CACNA1A: variants seen among roughly 807,000 people sequenced by gnomAD.
CACNA1A encodes the protein voltage-dependent P/Q-type calcium channel subunit alpha-1A.
A neutral mutation model predicts 262.4 loss-of-function variants in CACNA1A; 57 were observed. That is an observed-to-expected ratio of 0.22 (90% CI 0.18 to 0.27). CACNA1A has a LOEUF of 0.27. Ranked by LOEUF, CACNA1A falls within the 10% of genes least tolerant of loss-of-function variation. The pLI, the probability that CACNA1A is intolerant of heterozygous loss-of-function variation, is 1.00. For missense variants in CACNA1A, 2,526 were observed against 3,562.8 expected (o/e 0.71, Z 7.41); for synonymous variants, 1,431 against 1,419.3 (o/e 1.01, Z -0.18).
chr19:13,277,183 C>T (rs528415352), intron 22 of CACNA1A, 55 bp from the exon 23 acceptor site: 3 of 1,258,886 alleles, frequency 2.4e-6, no homozygotes, highest in Non-Finnish European at 3.5e-6. Flanking sequence ...CCAGCAGAGC[C>T]CCGGTAAAAC....
chr19:13,273,021 G>C (rs1399629475), intron 24 of CACNA1A: 4 of 152,186 alleles, frequency 2.6e-5, no homozygotes, highest in Non-Finnish European at 4.4e-5. Flanking sequence ...CTGGAGTGCA[G>C]TGGCATGATC....
chr19:13,276,724 G>A (rs1425745671), intron 23 of CACNA1A, among the ~76,000 whole-genome samples: 1 of 134,020 alleles, frequency 7.5e-6, no homozygotes, highest in Non-Finnish European at 1.6e-5. Context: ...TTTTGACAGA[G>A]TCTCGCTGTG....
intron 19 of CACNA1A, among the ~76,000 whole-genome samples, chr19:13,294,122 T>C (rs529896594): frequency 3.9e-4 from 59 of 151,944 alleles, no homozygotes; most frequent in African/African-American, 1.4e-3. Context: ...TTCTTTTTTT[T>C]TTAGACATGA....
At chr19:13,421,815 A>T (rs2060320962) in intron 3 of CACNA1A, among the ~76,000 whole-genome samples, 1 of 152,184 alleles carries the variant, frequency 6.6e-6, no homozygotes, top group South Asian at 2.1e-4. Context: ...ATTTTATTAT[A>T]GCCACCTGAG....
At chr19:13,474,337 C>T (rs1490361398) in intron 1 of CACNA1A, among the ~76,000 whole-genome samples, 5 of 152,168 alleles carry the variant, frequency 3.3e-5, no homozygotes, top group South Asian at 2.1e-4. Flanking sequence ...AAGCTTGAGG[C>T]GCTTCAGAGC....
At position 13,312,874 on chromosome 19, in the gene CACNA1A, A is replaced by T. The variant is rs10407951; in HGVS notation, c.1556-93T>A. On this transcript the variant is annotated intron_variant, in intron 11 of 46. Coordinates refer to ENST00000360228, the MANE Select transcript of CACNA1A (RefSeq NM_001127222.2). ...TGACTTTCCTTTTATTATCATTTTT[A>T]AACTTTTTATTTTTTGTAGAGATGA... 0.26 allele frequency: 156,853 copies of T among 606,208 alleles called. 22,221 individuals carry two copies. The highest frequency in any genetic ancestry group is 0.45 in the East Asian group (13,704 of 30,192). The allele number at this position is 606,208 out of a possible 1,614,324, so 37.6% of individuals were successfully genotyped here. A position where few individuals can be genotyped will look rare whatever the true frequency, so the allele number is the denominator to read the frequency against.
chr19:13,242,482 G>C (rs1431550964), intron 31 of CACNA1A, among the ~76,000 whole-genome samples: 1 of 152,048 alleles, frequency 6.6e-6, no homozygotes, highest in Non-Finnish European at 1.5e-5. Flanking sequence ...TTTTAGTAGG[G>C]ACAGAGTTTC....
chr19:13,338,045 C>T (rs1050693756), intron 6 of CACNA1A, among the ~76,000 whole-genome samples: 3 of 152,126 alleles, frequency 2.0e-5, no homozygotes, highest in Admixed American at 2.0e-4. Context: ...TGGTGAAACC[C>T]CGTCTCTACT....
At chr19:13,504,733 C>T (rs1418198614) in intron 1 of CACNA1A, among the ~76,000 whole-genome samples, 1 of 152,174 alleles carries the variant, frequency 6.6e-6, no homozygotes, top group African/African-American at 2.4e-5. Flanking sequence ...GGCCAGCCAG[C>T]CTGGGCAGCA....
At chr19:13,301,120 A>G (rs1432910024) in intron 17 of CACNA1A, among the ~76,000 whole-genome samples, 1 of 140,994 alleles carries the variant, frequency 7.1e-6, no homozygotes, top group Non-Finnish European at 1.6e-5. Context: ...TATACATTTA[A>G]TTTTTTTTTT....
In CACNA1A at chr19:13,290,095, A is replaced by T. The variant is rs2057498628; in HGVS notation, c.3090-3129T>A. Among the ~76,000 whole-genome samples, 6 of 140,246 alleles carry T rather than the reference A, an allele frequency of 4.3e-5. 1 individual carries two copies. In the South Asian group the frequency reaches 1.1e-3, roughly 27 times the overall value. The allele number at this position is 140,246 out of a possible 152,430, so 92.0% of individuals were successfully genotyped here. A position where few individuals can be genotyped will look rare whatever the true frequency, so the allele number is the denominator to read the frequency against. ...AGGCCTGTGCCACCACACCCGGCTA[A>T]TTTTTTTTTTTTTTTCTGTAGTTTT... On this transcript the variant is annotated intron_variant, in intron 19 of 46. Coordinates refer to ENST00000360228, the MANE Select transcript of CACNA1A (RefSeq NM_001127222.2).
At chr19:13,412,754 G>A (rs1455989535) in intron 3 of CACNA1A, among the ~76,000 whole-genome samples, 1 of 152,128 alleles carries the variant, frequency 6.6e-6, no homozygotes, top group Non-Finnish European at 1.5e-5. Flanking sequence ...TGGGATTACA[G>A]GCGTTAGCCA....
At chr19:13,504,900 T>C (rs1381266116) in intron 1 of CACNA1A, among the ~76,000 whole-genome samples, 2 of 152,110 alleles carry the variant, frequency 1.3e-5, no homozygotes, top group Admixed American at 1.3e-4. Flanking sequence ...ACAGAAGATC[T>C]GCATTTTGAT....
In CACNA1A at chr19:13,321,393, G is replaced by A. The variant is rs1223846009; in HGVS notation, c.1346-4072C>T. On this transcript the variant is annotated intron_variant, in intron 10 of 46. Transcript: ENST00000360228. The stretch of plus-strand genomic sequence containing the variant: ...TATGTCACCGCCAAGGATTCATCTG[G>A]TGATTTCTGGCAATTTATATACGCT... Among the ~76,000 whole-genome samples the A allele has an allele frequency of 1.1e-4, 16 of 152,082 alleles. No homozygotes were observed. The East Asian group carries it at 3.1e-3, about 29-fold the overall frequency.
intron 12 of CACNA1A, among the ~76,000 whole-genome samples, chr19:13,310,067 T>C (rs1235455939): frequency 6.6e-6 from 1 of 152,204 alleles, no homozygotes; most frequent in Non-Finnish European, 1.5e-5. Flanking sequence ...AATGGAATTA[T>C]GCAATACTTG....
chr19:13,505,882 AG>A, intron 1 of CACNA1A, 49 bp downstream of exon 1: 1 of 1,563,024 alleles, frequency 6.4e-7, no homozygotes, highest in Non-Finnish European at 8.7e-7. Flanking sequence ...GGGGAGGCGG[AG>A]GGAGGAGGGG....
intron 24 of CACNA1A, among the ~76,000 whole-genome samples, chr19:13,268,421 C>A (rs187827278): frequency 4.9e-4 from 72 of 147,148 alleles, no homozygotes; most frequent in Non-Finnish European, 2.1e-4. Flanking sequence ...CACGACCCCT[C>A]TGGAAGTTAG....
chr19:13,341,044 C>A (rs1458322792), intron 6 of CACNA1A, among the ~76,000 whole-genome samples: 2 of 152,058 alleles, frequency 1.3e-5, no homozygotes, highest in African/African-American at 4.8e-5. Context: ...TGCACTCCAG[C>A]CTGGGAGACA....
rs1240852774 is a variant in CACNA1A, at chr19:13,335,817, A to G, written c.1071T>C (p.Gly357=). 37 of 1,607,544 alleles carry G rather than the reference A, an allele frequency of 2.3e-5. No homozygotes were observed. Among genetic ancestry groups the G allele is most frequent in the Non-Finnish European group, 3.1e-5 (37 of 1,176,330 alleles). Residue 357 remains glycine, a synonymous_variant, in exon 7 of 47, where the codon GGT becomes GGC. Coordinates refer to ENST00000360228, the MANE Select transcript of CACNA1A (RefSeq NM_001127222.2). ...TAGCAGAAACTTACCCTGACAGCACACCCAGCACAAGGTTCAGCATAAAAA... is the reference window on the plus strand; with the variant it reads ...TAGCAGAAACTTACCCTGACAGCACGCCCAGCACAAGGTTCAGCATAAAAA... ...GSFFMLNLVL[G]VLSGEFAKER...
Sources: gnomAD v4.1 joint callset for allele counts (sites outside exome capture counted in the v4.1 genomes callset) on GRCh38, gnomAD v4.1.1 for gene constraint, MANE v1.5 for transcripts, NCBI Gene and HGNC (gene_info 2026-07-23, HGNC 2026-07-21) for gene names.